The following CPHXL2 variants were observed in gnomAD, a reference collection of about 807,000 sequenced individuals.
CPHXL2 encodes cytoplasmic polyadenylated homeobox-like protein 2.
chr16:75,674,675 C>T, the CPHXL2 span, among the ~76,000 whole-genome samples: 1 of 152,000 alleles, frequency 6.6e-6, no homozygotes, highest in African/African-American at 2.4e-5. Context: ...ATACATACTT[C>T]CTGATTTTAA....
the CPHXL2 span, among the ~76,000 whole-genome samples, chr16:75,673,559 A>C: frequency 6.6e-6 from 1 of 152,196 alleles, no homozygotes; most frequent in Non-Finnish European, 1.5e-5. Flanking sequence ...AGAAGCCATT[A>C]AACCCCCTTA....
At chr16:75,662,826 T>C in the CPHXL2 span, among the ~76,000 whole-genome samples, 1 of 139,500 alleles carries the variant, frequency 7.2e-6, no homozygotes, top group Non-Finnish European at 1.5e-5. Flanking sequence ...TGAGACGGAG[T>C]CTCGCTCTGT....
At chr16:75,675,656 C>T in the CPHXL2 span, among the ~76,000 whole-genome samples, 1 of 152,208 alleles carries the variant, frequency 6.6e-6, no homozygotes, top group East Asian at 1.9e-4. Flanking sequence ...AGATAGAGCT[C>T]ATTCCTATCA....
the CPHXL2 span, among the ~76,000 whole-genome samples, chr16:75,663,391 A>T: frequency 1.3e-5 from 2 of 152,152 alleles, no homozygotes; most frequent in Non-Finnish European, 2.9e-5. Context: ...ACCAAAACTC[A>T]TCTTGAAACT....
chr16:75,667,208 A>G, the CPHXL2 span, among the ~76,000 whole-genome samples: 1 of 151,678 alleles, frequency 6.6e-6, no homozygotes, highest in African/African-American at 2.4e-5. Flanking sequence ...GTTAGTCAGG[A>G]GACTGAGGCA....
the CPHXL2 span, among the ~76,000 whole-genome samples, chr16:75,664,652 A>AAAAAAAGG: frequency 1.3e-5 from 2 of 151,092 alleles, no homozygotes; most frequent in African/African-American, 2.4e-5. Flanking sequence ...AGAAAGAAAG[A>AAAAAAAGG]AAAACAAACA....
At chr16:75,667,999 C>A in the CPHXL2 span, among the ~76,000 whole-genome samples, 7 of 152,088 alleles carry the variant, frequency 4.6e-5, no homozygotes, top group African/African-American at 1.2e-4. Context: ...TCTCATTAGT[C>A]CCATCCACCT....
At chr16:75,666,832 C>T in the CPHXL2 span, among the ~76,000 whole-genome samples, 1 of 151,942 alleles carries the variant, frequency 6.6e-6, no homozygotes, top group African/African-American at 2.4e-5. Context: ...TGATAGGTCA[C>T]AAAACAAGTC....
chr16:75,668,921 A>G, the CPHXL2 span, among the ~76,000 whole-genome samples: 4 of 151,924 alleles, frequency 2.6e-5, no homozygotes, highest in African/African-American at 9.7e-5. Flanking sequence ...AATTGTATAG[A>G]TGTATATATT....
At chr16:75,662,042 C>T in the CPHXL2 span, among the ~76,000 whole-genome samples, 28 of 152,334 alleles carry the variant, frequency 1.8e-4, no homozygotes, top group Non-Finnish European at 3.2e-4. Context: ...CCTTCAGATG[C>T]CAGTTGCAAG....
chr16:75,663,295 C>T, the CPHXL2 span, among the ~76,000 whole-genome samples: 1 of 152,176 alleles, frequency 6.6e-6, no homozygotes, highest in Non-Finnish European at 1.5e-5. Context: ...TGACTAGGCA[C>T]AATGAACCAA....
the CPHXL2 span, among the ~76,000 whole-genome samples, chr16:75,663,420 T>G: frequency 3.9e-5 from 6 of 152,060 alleles, no homozygotes. Context: ...AAAATACAAT[T>G]CTAAGGCCCC....
the CPHXL2 span, among the ~76,000 whole-genome samples, chr16:75,668,813 A>C: frequency 1.3e-5 from 2 of 152,110 alleles, no homozygotes; most frequent in African/African-American, 4.8e-5. Context: ...GGTGTGTGCC[A>C]CTGGGCCCAG....
At chr16:75,671,700 T>C in the CPHXL2 span, among the ~76,000 whole-genome samples, 1 of 152,122 alleles carries the variant, frequency 6.6e-6, no homozygotes, top group East Asian at 1.9e-4. Flanking sequence ...ATGGGTGAAT[T>C]AAAACAAATA....
At chr16:75,660,958 A>G in the CPHXL2 span, 1 of 398,730 alleles carries the variant, frequency 2.5e-6, no homozygotes, top group Non-Finnish European at 4.4e-6. Context: ...GAGCACATGG[A>G]GCCCACCTGT....
the CPHXL2 span, among the ~76,000 whole-genome samples, chr16:75,676,739 G>C: frequency 6.6e-6 from 1 of 151,964 alleles, no homozygotes; most frequent in African/African-American, 2.4e-5. Context: ...TTGATCTGTA[G>C]GTATTTTTGT....
At chr16:75,667,237 G>A in the CPHXL2 span, among the ~76,000 whole-genome samples, 95 of 151,502 alleles carry the variant, frequency 6.3e-4, 2 homozygotes, top group East Asian at 0.014. Context: ...GCTTGAACCC[G>A]GGAGGTGGAG....
chr16:75,664,735 G>A, the CPHXL2 span, among the ~76,000 whole-genome samples: 1 of 152,066 alleles, frequency 6.6e-6, no homozygotes, highest in Non-Finnish European at 1.5e-5. Context: ...GGATCACAAG[G>A]ACTTTGCCCT....
At chr16:75,667,962 T>C in the CPHXL2 span, among the ~76,000 whole-genome samples, 17,758 of 152,124 alleles carry the variant, frequency 0.12, 2,459 homozygotes, top group East Asian at 0.67. Context: ...TAGTAAACTT[T>C]GTCAGCTCCA....
Sources: allele counts gnomAD v4.1 joint callset (sites outside exome capture counted in the v4.1 genomes callset), GRCh38; gene constraint gnomAD v4.1.1; transcripts MANE v1.5; gene names NCBI Gene and HGNC (gene_info 2026-07-23, HGNC 2026-07-21).